SLC71A1: variants seen among roughly 807,000 people sequenced by gnomAD.
SLC71A1 encodes hippocampus abundant gene transcript 1.
At chr1:100,042,112 A>G in the SLC71A1 span, among the ~76,000 whole-genome samples, 1 of 152,194 alleles carries the variant, frequency 6.6e-6, no homozygotes, top group Non-Finnish European at 1.5e-5. Flanking sequence ...AGAGTTATTT[A>G]CAGTATTCAA....
the SLC71A1 span, among the ~76,000 whole-genome samples, chr1:100,065,279 A>T: frequency 6.6e-6 from 1 of 152,224 alleles, no homozygotes; most frequent in East Asian, 1.9e-4. Flanking sequence ...GTACTTGTTC[A>T]AATAATTGAC....
the SLC71A1 span, chr1:100,038,404 C>G: frequency 5.6e-6 from 6 of 1,062,652 alleles, no homozygotes; most frequent in South Asian, 8.1e-5. Flanking sequence ...TCTAGGCGTC[C>G]CGGTGCCTCC....
At chr1:100,072,951 A>G in the SLC71A1 span, among the ~76,000 whole-genome samples, 4 of 152,016 alleles carry the variant, frequency 2.6e-5, no homozygotes, top group African/African-American at 2.4e-5. Context: ...GAGCTCCTAT[A>G]TGACACATTG....
the SLC71A1 span, among the ~76,000 whole-genome samples, chr1:100,071,139 T>C: frequency 0.01 from 1,592 of 151,862 alleles, 15 homozygotes; most frequent in Middle Eastern, 0.058. Flanking sequence ...CTGTAGCCTT[T>C]ATATAAAAAT....
the SLC71A1 span, among the ~76,000 whole-genome samples, chr1:100,070,881 T>C: frequency 6.6e-6 from 1 of 152,192 alleles, no homozygotes; most frequent in Non-Finnish European, 1.5e-5. Flanking sequence ...TGGTTCACCA[T>C]TTCTCGAGTA....
At chr1:100,076,232 CTTATATT>C in the SLC71A1 span, among the ~76,000 whole-genome samples, 1 of 152,146 alleles carries the variant, frequency 6.6e-6, no homozygotes, top group Non-Finnish European at 1.5e-5. Context: ...GAATTCAAAA[CTTATATT>C]TTATGAGTTT....
chr1:100,081,836 A>G, the SLC71A1 span, among the ~76,000 whole-genome samples: 5 of 152,212 alleles, frequency 3.3e-5, no homozygotes, highest in East Asian at 3.8e-4. Context: ...AGAGAATGTG[A>G]TAGTATCTCT....
the SLC71A1 span, among the ~76,000 whole-genome samples, chr1:100,059,144 GTTTTTT>G: frequency 5.0e-4 from 38 of 75,422 alleles, 1 homozygote; most frequent in South Asian, 9.5e-4. Flanking sequence ...TCTTTTTCGT[GTTTTTT>G]TTTTTTTTTT....
the SLC71A1 span, among the ~76,000 whole-genome samples, chr1:100,063,761 G>A: frequency 5.3e-5 from 8 of 152,262 alleles, no homozygotes; most frequent in East Asian, 1.9e-4. Context: ...GCACCACTGC[G>A]CTCCAACATG....
the SLC71A1 span, among the ~76,000 whole-genome samples, chr1:100,049,753 TTGA>T: frequency 1.3e-5 from 2 of 152,236 alleles, no homozygotes; most frequent in Non-Finnish European, 2.9e-5. Context: ...CCCTCTGACT[TTGA>T]AGACAGAGGC....
chr1:100,069,759 A>T, the SLC71A1 span: 1 of 883,636 alleles, frequency 1.1e-6, no homozygotes, highest in South Asian at 1.4e-5. Context: ...TCATCTAGTG[A>T]TGGTATCTTG....
the SLC71A1 span, among the ~76,000 whole-genome samples, chr1:100,081,536 C>T: frequency 0.025 from 3,855 of 152,170 alleles, 66 homozygotes; most frequent in Middle Eastern, 0.041. Flanking sequence ...CCATGACCGG[C>T]TAATTTTTTT....
chr1:100,074,906 A>C, the SLC71A1 span, among the ~76,000 whole-genome samples: 1 of 152,186 alleles, frequency 6.6e-6, no homozygotes, highest in Non-Finnish European at 1.5e-5. Flanking sequence ...GAAAAAGAAA[A>C]TATATTCTCC....
chr1:100,063,241 T>C, the SLC71A1 span, among the ~76,000 whole-genome samples: 1 of 151,814 alleles, frequency 6.6e-6, no homozygotes, highest in Admixed American at 6.6e-5. Flanking sequence ...CTGGAGGTTC[T>C]GTGTATTAAG....
At chr1:100,067,852 T>G in the SLC71A1 span, 2 of 745,160 alleles carry the variant, frequency 2.7e-6, no homozygotes, top group Non-Finnish European at 2.3e-6. Flanking sequence ...ATGGCACAGG[T>G]AGGAAGAGAA....
At chr1:100,051,115 G>A in the SLC71A1 span, among the ~76,000 whole-genome samples, 6,663 of 149,834 alleles carry the variant, frequency 0.044, 173 homozygotes, top group African/African-American at 0.061. Flanking sequence ...AAAAACAGCC[G>A]GGCGCGGTGG....
the SLC71A1 span, chr1:100,061,802 C>G: frequency 7.7e-7 from 1 of 1,297,158 alleles, no homozygotes; most frequent in Non-Finnish European, 1.1e-6. Flanking sequence ...ATGGTAATTG[C>G]TCTAACCATT....
chr1:100,051,086 AAAAAAAAAAAAC>A, the SLC71A1 span, among the ~76,000 whole-genome samples: 3 of 120,084 alleles, frequency 2.5e-5, no homozygotes, highest in East Asian at 2.3e-4. Context: ...ACCTTGTCTC[AAAAAAAAAAAAC>A]AAAAAAAAAA....
At chr1:100,075,016 G>A in the SLC71A1 span, among the ~76,000 whole-genome samples, 1 of 152,206 alleles carries the variant, frequency 6.6e-6, no homozygotes, top group African/African-American at 2.4e-5. Flanking sequence ...TTCCACAAAG[G>A]GGAAGATAGT....
Sources: allele counts gnomAD v4.1 joint callset (sites outside exome capture counted in the v4.1 genomes callset), GRCh38; gene constraint gnomAD v4.1.1; transcripts MANE v1.5; gene names NCBI Gene and HGNC (gene_info 2026-07-23, HGNC 2026-07-21).